PLA2G4B: variants seen among roughly 807,000 people sequenced by gnomAD.
PLA2G4B encodes cytosolic phospholipase A2 beta.
Under a neutral mutation model 95.8 loss-of-function variants are expected in PLA2G4B, and 122 were observed. The observed-to-expected ratio is 1.27, with a 90% CI of 1.10 to 1.48. The LOEUF is 1.48. Among genes scored for constraint, PLA2G4B ranks in the 40% most tolerant of loss-of-function variants. PLA2G4B has a pLI of 0.00. For missense variants in PLA2G4B, 1,158 were observed against 996.2 expected (o/e 1.16, Z -2.19); for synonymous variants, 518 against 421.5 (o/e 1.23, Z -2.80).
rs376591410 is a variant in PLA2G4B at position 41,840,786 on chromosome 15, C to G, written c.232C>G (p.Leu78Val). The G allele has an allele frequency of 1.9e-6, 3 of 1,613,728 alleles. No homozygotes were observed. The highest frequency in any genetic ancestry group is 1.7e-6 in the Non-Finnish European group (2 of 1,179,810). The change falls in exon 4 of 20, where the codon CTG becomes GTG. Residue 78 changes from leucine to valine, a missense_variant. Leu to Val is a conservative substitution (Grantham distance 32, BLOSUM62 1). Transcript: ENST00000458483. ...TTTTCCCCTCCAGAATGTCATGGAA[C>G]TGAAAGTCTTTGACCAGGACCTGGT... ...IHRQLKNVME[L>V]KVFDQDLVTG...
Position 41,840,875 on chromosome 15 carries a change from C to G in PLA2G4B, c.321C>G (p.Phe107Leu), listed in dbSNP as rs755387838. The G allele has an allele frequency of 1.3e-5, 21 of 1,613,608 alleles. No individual in the cohort carries two copies. The highest frequency in any genetic ancestry group is 1.6e-5 in the Non-Finnish European group (19 of 1,179,726). Reference sequence around the variant, plus strand: ...CGGGGACTCTGCGGGCTGGGGAGTTCCGGCGCGAGAGCTTCTCACTGAGCC... The same window carrying G: ...CGGGGACTCTGCGGGCTGGGGAGTTGCGGCGCGAGAGCTTCTCACTGAGCC... ...FDAGTLRAGE[F>L]RRESFSLSPQ... Residue 107 changes from phenylalanine (F) to leucine (L), a missense_variant, in exon 4 of 20, where the codon TTC becomes TTG. Physicochemically the swap from Phe to Leu is conservative, Grantham distance 22. Coordinates refer to ENST00000458483, the MANE Select transcript of PLA2G4B (RefSeq NM_001114633.2).
At chr15:41,841,177 CTG>C (rs1178297457) in intron 5 of PLA2G4B, 52 bp from the exon 6 acceptor site, 2 of 1,613,910 alleles carry the variant, frequency 1.2e-6, no homozygotes, top group Non-Finnish European at 1.7e-6. Context: ...GCCCAGGTCT[CTG>C]TGGGGTGGGA....
In PLA2G4B at chr15:41,847,798, G is replaced by A; in HGVS notation, c.2284G>A (p.Glu762Lys). The change falls in exon 20 of 20, where the codon GAG becomes AAG. Residue 762 changes from glutamate to lysine, a missense_variant. Coordinates refer to ENST00000458483, the MANE Select transcript of PLA2G4B (RefSeq NM_001114633.2). The stretch of plus-strand genomic sequence containing the variant: ...ACATTACAATGTCTGCAACAACCAG[G>A]AGCAGCTGCTGGAGGCTCTGCGCCA... ...LTHYNVCNNQ[E>K]QLLEALRQAV... 1 of 1,609,442 alleles carries A rather than the reference G, an allele frequency of 6.2e-7. No individual in the cohort carries two copies. Among genetic ancestry groups the A allele is most frequent in the Non-Finnish European group, 8.5e-7 (1 of 1,180,020 alleles).
At position 41,847,733 on chromosome 15, in the gene PLA2G4B, C is replaced by A. The variant is rs139098994; in HGVS notation, c.2219C>A (p.Thr740Asn). The change falls in exon 20 of 20, where the codon ACC becomes AAC. Residue 740 changes from threonine to asparagine, a missense_variant. Thr to Asn is a moderately conservative substitution (Grantham distance 65). Coordinates refer to ENST00000458483, the MANE Select transcript of PLA2G4B (RefSeq NM_001114633.2). Reference protein sequence around the residue: ...SDSPYHYTKVTYSQEDVDKLL... With the variant: ...SDSPYHYTKVNYSQEDVDKLL... ...TCTCCCTACCACTACACGAAGGTGACCTACAGCCAGGAGGACGTGGACAAG... is the reference window on the plus strand; with the variant it reads ...TCTCCCTACCACTACACGAAGGTGAACTACAGCCAGGAGGACGTGGACAAG... The A allele has an allele frequency of 1.7e-4, 272 of 1,611,900 alleles. 1 individual carries two copies. The highest frequency in any genetic ancestry group is 6.6e-4 in the Middle Eastern group (4 of 6,062).
At position 41,845,523 on chromosome 15, in the gene PLA2G4B, A is replaced by C. The variant is rs1044088087; in HGVS notation, c.1358-115A>C. 2.0e-6 allele frequency: 3 copies of C among 1,515,382 alleles called. No individual in the cohort carries two copies. The African/African-American group carries it at 4.2e-5, about 21-fold the overall frequency. The allele number at this position is 1,515,382 out of a possible 1,614,324, so 93.9% of individuals were successfully genotyped here. A position where few individuals can be genotyped will look rare whatever the true frequency, so the allele number is the denominator to read the frequency against. On this transcript the variant is annotated intron_variant, in intron 14 of 19. Coordinates refer to ENST00000458483, the MANE Select transcript of PLA2G4B (RefSeq NM_001114633.2). Reference sequence around the variant, plus strand: ...AGGTCCTATGCACGAAGCCCAGGCCACAAGGCCTGGGCCTCCTGGTCCTCA... The same window carrying C: ...AGGTCCTATGCACGAAGCCCAGGCCCCAAGGCCTGGGCCTCCTGGTCCTCA...
chr15:41,846,238 C>T lies in PLA2G4B; in HGVS notation c.1636C>T (p.Pro546Ser), dbSNP rs1422299883. 1.2e-6 allele frequency: 2 copies of T among 1,614,050 alleles called. No homozygotes were observed. Among genetic ancestry groups the T allele is most frequent in the Non-Finnish European group, 1.7e-6 (2 of 1,179,974 alleles). ...EQVPLLKIEE[P>S]PSTAGRIAEF... is the part of the protein sequence containing the mutation. ...GGTCCCCCTTCTGAAGATAGAAGAA[C>T]CACCCTCAACAGCCGGCAGGATAGC... The change falls in exon 17 of 20, where the codon CCA becomes TCA. Residue 546 changes from proline to serine, a missense_variant. Coordinates refer to ENST00000458483, the MANE Select transcript of PLA2G4B (RefSeq NM_001114633.2).
intron 1 of PLA2G4B, 82 bp downstream of exon 1, chr15:41,839,004 C>A: frequency 1.7e-6 from 2 of 1,180,574 alleles, no homozygotes; most frequent in Non-Finnish European, 2.4e-6. Flanking sequence ...CTTATGGGAG[C>A]TGTGGTCTTC....
chr15:41,840,433 C>A (rs2065405543), intron 2 of PLA2G4B, 91 bp from the exon 3 acceptor site: 1 of 1,605,154 alleles, frequency 6.2e-7, no homozygotes, highest in Non-Finnish European at 8.5e-7. Context: ...TCAGTCTTAA[C>A]CCACATGGGG....
At chr15:41,842,164 C>T (rs768321463) in intron 8 of PLA2G4B, 29 bp from the exon 9 acceptor site, 5 of 1,612,882 alleles carry the variant, frequency 3.1e-6, no homozygotes, top group Non-Finnish European at 4.2e-6. Flanking sequence ...CGTAAAGATT[C>T]TTAGGTCTGC....
intron 9 of PLA2G4B, 129 bp downstream of exon 9, chr15:41,842,405 G>A: frequency 6.5e-7 from 1 of 1,544,460 alleles, no homozygotes; most frequent in Non-Finnish European, 8.7e-7. Context: ...AGGCTCTTTG[G>A]GGAGTGTCCT....
chr15:41,840,248 T>C lies in PLA2G4B; in HGVS notation c.82+18T>C. ...GGACCTAGGTGAGTGCGCACCGCCCTGGCCCCTGTGCTGGGCTGAGGGAGG... is the reference window on the plus strand; with the variant it reads ...GGACCTAGGTGAGTGCGCACCGCCCCGGCCCCTGTGCTGGGCTGAGGGAGG... On this transcript the variant is annotated intron_variant, in intron 2 of 19. Coordinates refer to ENST00000458483, the MANE Select transcript of PLA2G4B (RefSeq NM_001114633.2). The C allele has an allele frequency of 6.2e-7, 1 of 1,612,256 alleles. No homozygotes were observed. Among genetic ancestry groups the C allele is most frequent in the Non-Finnish European group, 8.5e-7 (1 of 1,179,924 alleles).
rs751208655 is a variant in PLA2G4B at position 41,843,828 on chromosome 15, G to A, written c.879+17G>A. On this transcript the variant is annotated intron_variant, in intron 11 of 19. Coordinates refer to ENST00000458483, the MANE Select transcript of PLA2G4B (RefSeq NM_001114633.2). ...GAGGATGAGGTTTGGGGGCTGGGCT[G>A]GATGGGGTGTCCCCGGGCTTGCTTG... 1.9e-6 allele frequency: 3 copies of A among 1,612,294 alleles called. No homozygotes were observed. Among genetic ancestry groups the A allele is most frequent in the Non-Finnish European group, 2.5e-6 (3 of 1,178,940 alleles).
At position 41,845,269 on chromosome 15, in the gene PLA2G4B, TA is replaced by T; in HGVS notation, c.1307del (p.Tyr436SerfsTer11). 6.2e-7 allele frequency: 1 copy of T among 1,614,192 alleles called. No homozygotes were observed. Among genetic ancestry groups the T allele is most frequent in the Non-Finnish European group, 8.5e-7 (1 of 1,180,006 alleles). ...TCATGGCCAGAACCCTCTGCCCATC[TA>T]CTGTGCCCTCAACACCAAAGGGCAG... ...LSHGQNPLPIYCALNTKGQSL... is the reference protein window; with the variant it reads ...LSHGQNPLPIXCALNTKGQSL... On this transcript the variant is annotated frameshift_variant, in exon 14 of 20. Coordinates refer to ENST00000458483, the MANE Select transcript of PLA2G4B (RefSeq NM_001114633.2). LOFTEE classifies it high-confidence loss of function.
intron 12 of PLA2G4B, 58 bp downstream of exon 12, chr15:41,844,665 G>A: frequency 6.2e-7 from 1 of 1,611,476 alleles, no homozygotes; most frequent in Non-Finnish European, 8.5e-7. Context: ...TGGTGCCAGG[G>A]TTCTCCTAGG....
chr15:41,846,665 C>T lies in PLA2G4B; in HGVS notation c.1781-4C>T, dbSNP rs199577337. On this transcript the variant is annotated splice_polypyrimidine_tract_variant and splice_region_variant and intron_variant, in intron 17 of 19. Transcript: ENST00000458483. ...GACAATTGCTGCTCTCCCCAACCTT[C>T]CAGCTACCACTCTGGATGGGCTCCC... 2.5e-4 allele frequency: 408 copies of T among 1,602,182 alleles called. No homozygotes were observed. Among genetic ancestry groups the T allele is most frequent in the Admixed American group, 7.8e-4 (46 of 58,986 alleles).
chr15:41,841,407 C>T, intron 6 of PLA2G4B, 110 bp from the exon 7 acceptor site: 4 of 1,607,702 alleles, frequency 2.5e-6, no homozygotes, highest in African/African-American at 2.7e-5. Flanking sequence ...AATACAATCT[C>T]AAGGGCCCAG....
intron 13 of PLA2G4B, 55 bp downstream of exon 13, chr15:41,845,125 C>G (rs770565504): frequency 2.5e-6 from 4 of 1,602,504 alleles, no homozygotes; most frequent in Non-Finnish European, 2.6e-6. Flanking sequence ...AGCTGGGGCT[C>G]GGTGCTGGAC....
At chr15:41,842,488 G>A in intron 9 of PLA2G4B, 66 bp from the exon 10 acceptor site, 2 of 1,603,498 alleles carry the variant, frequency 1.2e-6, no homozygotes, top group Non-Finnish European at 1.7e-6. Context: ...CGGGGATCAG[G>A]GTAAGAGGAC....
At position 41,847,484 on chromosome 15, in the gene PLA2G4B, C is replaced by G. The variant is rs760308232; in HGVS notation, c.2095C>G (p.Pro699Ala). 5 of 1,610,980 alleles carry G rather than the reference C, an allele frequency of 3.1e-6. No individual in the cohort carries two copies. The highest frequency in any genetic ancestry group is 1.1e-5 in the South Asian group (1 of 90,962). The change falls in exon 19 of 20, where the codon CCT (proline) becomes GCT (alanine). Residue 699 changes from proline to alanine, a missense_variant. Physicochemically the swap from Pro to Ala is conservative, Grantham distance 27. Coordinates refer to ENST00000458483, the MANE Select transcript of PLA2G4B (RefSeq NM_001114633.2). Reference protein sequence around the residue: ...CPGAPAVLHFPLVSDSFREYS... With the variant: ...CPGAPAVLHFALVSDSFREYS... ...CGGAGCCCCTGCGGTGCTGCACTTT[C>G]CTCTGGTCAGCGACTCCTTCCGGGA...
Sources: allele counts gnomAD v4.1 joint callset, GRCh38; gene constraint gnomAD v4.1.1; transcripts MANE v1.5; gene names NCBI Gene and HGNC (gene_info 2026-07-23, HGNC 2026-07-21).